The following LOC128125817 variants were observed in gnomAD, a reference collection of about 807,000 sequenced individuals.
At chr1:41,628,620 C>A in the LOC128125817 span, 3 of 758,186 alleles carry the variant, frequency 4.0e-6, no homozygotes, top group African/African-American at 1.8e-5. Flanking sequence ...CACAGAGGCA[C>A]CAGAAAGGCA....
the LOC128125817 span, among the ~76,000 whole-genome samples, chr1:41,619,766 A>G: frequency 0.049 from 7,437 of 152,198 alleles, 639 homozygotes; most frequent in African/African-American, 0.17. Flanking sequence ...TTTTGGAGCC[A>G]TATGGAATAA....
At chr1:41,607,224 T>G in the LOC128125817 span, among the ~76,000 whole-genome samples, 3 of 152,226 alleles carry the variant, frequency 2.0e-5, no homozygotes, top group African/African-American at 7.2e-5. Flanking sequence ...ATCTCCTAGT[T>G]GATGGATACT....
the LOC128125817 span, among the ~76,000 whole-genome samples, chr1:41,612,968 A>T: frequency 5.9e-5 from 9 of 152,178 alleles, no homozygotes; most frequent in Admixed American, 5.9e-4. Context: ...CATTGTCCCA[A>T]CCTGGCCCTG....
At chr1:41,589,137 T>C in the LOC128125817 span, among the ~76,000 whole-genome samples, 1 of 152,228 alleles carries the variant, frequency 6.6e-6, no homozygotes, top group African/African-American at 2.4e-5. Flanking sequence ...AAAGAGCCAC[T>C]TTTCCAGGGA....
the LOC128125817 span, among the ~76,000 whole-genome samples, chr1:41,619,146 C>A: frequency 6.6e-6 from 1 of 152,204 alleles, no homozygotes; most frequent in Non-Finnish European, 1.5e-5. Context: ...CCCCCACCCC[C>A]ACTCCTCCAG....
At chr1:41,600,143 T>G in the LOC128125817 span, among the ~76,000 whole-genome samples, 1 of 152,220 alleles carries the variant, frequency 6.6e-6, no homozygotes, top group Non-Finnish European at 1.5e-5. Context: ...GCAGCCTCTA[T>G]GGAAAACACT....
chr1:41,628,103 A>G, the LOC128125817 span, among the ~76,000 whole-genome samples: 8 of 152,330 alleles, frequency 5.3e-5, no homozygotes, highest in East Asian at 1.3e-3. Context: ...ATATATAAAC[A>G]TAAGCTGATA....
At chr1:41,607,560 T>C in the LOC128125817 span, among the ~76,000 whole-genome samples, 1 of 152,242 alleles carries the variant, frequency 6.6e-6, no homozygotes, top group African/African-American at 2.4e-5. Context: ...GGCTTTCTTA[T>C]ATTCAAACTG....
the LOC128125817 span, among the ~76,000 whole-genome samples, chr1:41,594,936 A>C: frequency 6.6e-6 from 1 of 152,094 alleles, no homozygotes; most frequent in Non-Finnish European, 1.5e-5. Context: ...ATAAAGCTTA[A>C]GTTTTTTTAC....
chr1:41,622,143 C>T, the LOC128125817 span, among the ~76,000 whole-genome samples: 1 of 152,238 alleles, frequency 6.6e-6, no homozygotes, highest in Non-Finnish European at 1.5e-5. Context: ...TATACAGCAG[C>T]ACCCTGCTGG....
At chr1:41,600,942 A>T in the LOC128125817 span, among the ~76,000 whole-genome samples, 1 of 152,126 alleles carries the variant, frequency 6.6e-6, no homozygotes, top group Admixed American at 6.5e-5. Context: ...ATTTTTATGT[A>T]AGATAAGAAT....
chr1:41,622,494 C>T, the LOC128125817 span, among the ~76,000 whole-genome samples: 18 of 152,148 alleles, frequency 1.2e-4, no homozygotes, highest in Non-Finnish European at 5.9e-5. Flanking sequence ...CAAATCCAGC[C>T]GGCTGCCTGT....
At chr1:41,625,330 T>C in the LOC128125817 span, among the ~76,000 whole-genome samples, 2 of 152,104 alleles carry the variant, frequency 1.3e-5, no homozygotes, top group Non-Finnish European at 2.9e-5. Flanking sequence ...AAGGGCCAAA[T>C]AGTAAGAACT....
chr1:41,627,960 G>A, the LOC128125817 span, among the ~76,000 whole-genome samples: 1 of 148,828 alleles, frequency 6.7e-6, no homozygotes, highest in African/African-American at 2.5e-5. Flanking sequence ...GGGTGATTCT[G>A]GCTCTCCACA....
At chr1:41,604,012 T>A in the LOC128125817 span, among the ~76,000 whole-genome samples, 5 of 152,214 alleles carry the variant, frequency 3.3e-5, no homozygotes, top group Non-Finnish European at 7.3e-5. Flanking sequence ...ACAGCTAACA[T>A]GAAGCAAACA....
At chr1:41,596,982 T>TC in the LOC128125817 span, among the ~76,000 whole-genome samples, 64 of 152,326 alleles carry the variant, frequency 4.2e-4, no homozygotes, top group African/African-American at 1.5e-3. Context: ...AACTGCTTTT[T>TC]CCCTCAATAA....
At chr1:41,622,279 G>C in the LOC128125817 span, among the ~76,000 whole-genome samples, 16 of 152,158 alleles carry the variant, frequency 1.1e-4, no homozygotes, top group Non-Finnish European at 2.4e-4. Context: ...CCAGAGTAAA[G>C]GTCCTAATGC....
the LOC128125817 span, among the ~76,000 whole-genome samples, chr1:41,619,741 G>A: frequency 6.6e-6 from 1 of 152,162 alleles, no homozygotes; most frequent in Non-Finnish European, 1.5e-5. Flanking sequence ...CTGGGAGGCT[G>A]TCCGAATGCT....
chr1:41,589,087 G>A, the LOC128125817 span, among the ~76,000 whole-genome samples: 1 of 152,184 alleles, frequency 6.6e-6, no homozygotes, highest in East Asian at 1.9e-4. Context: ...GGTTCTGAGG[G>A]TATGTGTGAA....
Sources: allele counts gnomAD v4.1 joint callset (sites outside exome capture counted in the v4.1 genomes callset), GRCh38; gene constraint gnomAD v4.1.1; transcripts MANE v1.5.